The following UTRN variants were observed in gnomAD, a reference collection of about 807,000 sequenced individuals.
UTRN encodes dystrophin-related protein 1.
In UTRN, 283 loss-of-function variants were observed where a neutral mutation model predicts 463.9. The observed-to-expected ratio is 0.61, with a 90% confidence interval of 0.55 to 0.67. The LOEUF is 0.67. Ranked by LOEUF, UTRN falls within the 30% of genes least tolerant of loss-of-function variation. The pLI is 0.00. For synonymous variants in UTRN, 1,442 were observed against 1,431.5 expected (o/e 1.01, Z -0.17); for missense variants, 3,922 against 4,084.3 (o/e 0.96, Z 1.08).
chr6:144,803,096 A>G lies in UTRN; in HGVS notation c.9306A>G (p.Arg3102=), dbSNP rs761312703. 6.3e-7 allele frequency: 1 copy of G among 1,597,572 alleles called. No homozygotes were observed. Among genetic ancestry groups the G allele is most frequent in the East Asian group, 2.3e-5 (1 of 44,140 alleles). The change falls in exon 65 of 75, where the codon CGA becomes CGG. Residue 3102 remains arginine (R), a synonymous_variant. Coordinates refer to ENST00000367545, the MANE Select transcript of UTRN (RefSeq NM_007124.3). ...GCCAGAGTTGTTTCTTTTCGGGTCG[A>G]ACAGCAAAAGGTCACAAATTACATT... ...DVCQSCFFSG[R]TAKGHKLHYP...
rs534450229 is a variant in UTRN, at chr6:144,393,584, T to C, written c.80-9539T>C. Among the ~76,000 whole-genome samples, 149 of 152,308 alleles carry C rather than the reference T, an allele frequency of 9.8e-4. 1 individual carries two copies. Among genetic ancestry groups the C allele is most frequent in the African/African-American group, 3.5e-3 (147 of 41,576 alleles). The stretch of plus-strand genomic sequence containing the variant: ...GGGAGCCCAGACTGGTACAGCAGGA[T>C]GGCTCTGTGGCTGAGAATTCCAAGA... On this transcript the variant is annotated intron_variant, in intron 2 of 74. Coordinates refer to ENST00000367545, the MANE Select transcript of UTRN (RefSeq NM_007124.3).
intron 2 of UTRN, among the ~76,000 whole-genome samples, chr6:144,378,944 A>G (rs956954707): frequency 3.9e-5 from 6 of 152,230 alleles, no homozygotes; most frequent in Non-Finnish European, 8.8e-5. Context: ...AGATTGTGGT[A>G]TTAGAAGAAA....
intron 23 of UTRN, among the ~76,000 whole-genome samples, chr6:144,470,925 C>T (rs961540312): frequency 2.6e-5 from 4 of 151,642 alleles, no homozygotes; most frequent in African/African-American, 9.7e-5. Flanking sequence ...ACTCGGCAGG[C>T]TGAGGCAGGA....
At chr6:144,453,603 G>A (rs1336373865) in intron 18 of UTRN, among the ~76,000 whole-genome samples, 179 bp from the exon 19 acceptor site, 1 of 151,976 alleles carries the variant, frequency 6.6e-6, no homozygotes, top group Non-Finnish European at 1.5e-5. Flanking sequence ...ATAATTATGA[G>A]GTACATTTTT....
chr6:144,794,244 C>A (rs1201917000), intron 63 of UTRN, among the ~76,000 whole-genome samples: 1 of 152,086 alleles, frequency 6.6e-6, no homozygotes, highest in African/African-American at 2.4e-5. Flanking sequence ...GTTTGTCCTG[C>A]CCTTTTCCTG....
At chr6:144,682,769 T>A (rs540716088) in intron 52 of UTRN, among the ~76,000 whole-genome samples, 1 of 152,318 alleles carries the variant, frequency 6.6e-6, no homozygotes, top group Non-Finnish European at 1.5e-5. Context: ...TAAAATAGCA[T>A]GTTTGTTATT....
intron 2 of UTRN, among the ~76,000 whole-genome samples, chr6:144,293,925 T>C (rs570718823): frequency 6.9e-4 from 105 of 152,022 alleles, no homozygotes; most frequent in Middle Eastern, 3.4e-3. Context: ...TGTATGAATA[T>C]AGAAATGTGT....
At chr6:144,476,335 C>T (rs1791195756) in intron 25 of UTRN, among the ~76,000 whole-genome samples, 1 of 151,742 alleles carries the variant, frequency 6.6e-6, no homozygotes, top group Non-Finnish European at 1.5e-5. Flanking sequence ...TTACTGCAGG[C>T]TTGGAGAGAG....
chr6:144,344,244 A>G, intron 2 of UTRN: 1 of 1,304,136 alleles, frequency 7.7e-7, no homozygotes, highest in Non-Finnish European at 1.0e-6. Context: ...GTTTCATTGG[A>G]AAAAGTGCAG....
chr6:144,791,561 G>A lies in UTRN; in HGVS notation c.8921-2273G>A, dbSNP rs6942350. On this transcript the variant is annotated intron_variant, in intron 62 of 74. Transcript: ENST00000367545. ...ACACTTCCAGCCTGGATGACAAAGC[G>A]AGACCTTAAAAAAAAAAAAAAAGTA... Among the ~76,000 whole-genome samples the A allele has an allele frequency of 8.0e-3, 1,156 of 145,376 alleles. 21 individuals carry two copies. Among genetic ancestry groups the A allele is most frequent in the African/African-American group, 0.027 (1,088 of 40,036 alleles).
chr6:144,834,186 T>C (rs1780910031), intron 69 of UTRN, among the ~76,000 whole-genome samples: 1 of 152,356 alleles, frequency 6.6e-6, no homozygotes, highest in African/African-American at 2.4e-5. Flanking sequence ...CCCCATCCTC[T>C]TTTAAAATTT....
At chr6:144,405,215 A>G (rs1402791489) in intron 3 of UTRN, among the ~76,000 whole-genome samples, 1 of 152,242 alleles carries the variant, frequency 6.6e-6, no homozygotes, top group Non-Finnish European at 1.5e-5. Context: ...GCAAGAAATC[A>G]AAACCTAGAA....
intron 2 of UTRN, among the ~76,000 whole-genome samples, chr6:144,380,534 G>A (rs997865188): frequency 2.6e-5 from 4 of 152,252 alleles, no homozygotes; most frequent in African/African-American, 7.2e-5. Flanking sequence ...TGAGGGGCCC[G>A]GCATATTGGC....
At chr6:144,422,111 C>CAA (rs952917689) in intron 4 of UTRN, 141 bp downstream of exon 4, 3 of 662,274 alleles carry the variant, frequency 4.5e-6, no homozygotes, top group Non-Finnish European at 7.2e-6. Context: ...ACATTTTTAA[C>CAA]AAAGCATTTT....
In UTRN at chr6:144,471,057, A is replaced by C. The variant is rs1320358976; in HGVS notation, c.3067-2663A>C. ...ACGAGGGAGGGGGAGAGGGAGGGGGAGAGGGAGGGGGAGGGGGCGAGGGAG... is the reference window on the plus strand; with the variant it reads ...ACGAGGGAGGGGGAGAGGGAGGGGGCGAGGGAGGGGGAGGGGGCGAGGGAG... On this transcript the variant is annotated intron_variant, in intron 23 of 74. Coordinates refer to ENST00000367545, the MANE Select transcript of UTRN (RefSeq NM_007124.3). Among the ~76,000 whole-genome samples the C allele has an allele frequency of 1.0e-3, 22 of 21,468 alleles. No individual in the cohort carries two copies. The South Asian group carries it at 0.04, about 39-fold the overall frequency. 14.1% of individuals were successfully genotyped at this position (21,468 alleles called of 152,430 possible). A position where few individuals can be genotyped will look rare whatever the true frequency, so the allele number is the denominator to read the frequency against.
chr6:144,461,497 C>T (rs1236786752), intron 22 of UTRN, among the ~76,000 whole-genome samples, 155 bp downstream of exon 22: 1 of 151,982 alleles, frequency 6.6e-6, no homozygotes, highest in African/African-American at 2.4e-5. Flanking sequence ...TTAGTTTGAC[C>T]TCACATAAAA....
At chr6:144,751,974 T>TA (rs1791447441) in intron 56 of UTRN, 22 bp downstream of exon 56, 1 of 1,590,586 alleles carries the variant, frequency 6.3e-7, no homozygotes, top group African/African-American at 1.4e-5. Flanking sequence ...TTCCCCTTCA[T>TA]AATGCAGGCT....
At chr6:144,846,989 G>A (rs535859696) in intron 74 of UTRN, among the ~76,000 whole-genome samples, 162 bp downstream of exon 74, 55 of 152,302 alleles carry the variant, frequency 3.6e-4, no homozygotes, top group African/African-American at 1.3e-3. Context: ...TGTCAGTCTG[G>A]GAGTGGGGGG....
At chr6:144,772,038 T>TTA (rs1562889202) in intron 59 of UTRN, 70 bp downstream of exon 59, 2 of 1,089,806 alleles carry the variant, frequency 1.8e-6, no homozygotes, top group African/African-American at 4.4e-5. Flanking sequence ...TTTTTTTTTT[T>TTA]TTTTTTTTTT....
Sources: gnomAD v4.1 joint callset for allele counts (sites outside exome capture counted in the v4.1 genomes callset) on GRCh38, gnomAD v4.1.1 for gene constraint, MANE v1.5 for transcripts, NCBI Gene and HGNC (gene_info 2026-07-23, HGNC 2026-07-21) for gene names.